Variants in MDGA2 observed in about 807,000 individuals in gnomAD.
MDGA2 encodes MAM domain-containing glycosylphosphatidylinositol anchor protein 2.
A neutral mutation model predicts 117.8 loss-of-function variants in MDGA2; 40 were observed. The observed-to-expected ratio is 0.34, with a 90% confidence interval of 0.26 to 0.44. The LOEUF is 0.44. MDGA2 is among the 20% of genes least tolerant of loss of function. The probability of loss-of-function intolerance (pLI) is 1.00; values close to 1 mark genes in which losing one functional copy is unlikely to be tolerated. For synonymous variants in MDGA2, 452 were observed against 439.0 expected, an observed-to-expected ratio of 1.03 and a Z score of -0.37; for missense variants, 1,123 against 1,250.6, an observed-to-expected ratio of 0.90 and a Z score of 1.54.
chr14:47,133,117 A>C (rs1269360472), intron 4 of MDGA2, among the ~76,000 whole-genome samples: 2 of 150,476 alleles, frequency 1.3e-5, no homozygotes, highest in East Asian at 1.9e-4. Context: ...TAAAAAAAAA[A>C]AAAACAAACA....
chr14:47,592,444 C>G (rs552814454), intron 1 of MDGA2, among the ~76,000 whole-genome samples: 4 of 152,062 alleles, frequency 2.6e-5, no homozygotes, highest in African/African-American at 9.6e-5. Context: ...CAATCCTAAG[C>G]AAAAAGAACA....
At chr14:47,397,984 A>G (rs898289191) in intron 1 of MDGA2, among the ~76,000 whole-genome samples, 1 of 152,200 alleles carries the variant, frequency 6.6e-6, no homozygotes, top group African/African-American at 2.4e-5. Flanking sequence ...AAGAACTTTC[A>G]TATATTTTCA....
At chr14:47,003,746 T>G (rs145649447) in intron 8 of MDGA2, among the ~76,000 whole-genome samples, 153 of 152,198 alleles carry the variant, frequency 1.0e-3, no homozygotes, top group Non-Finnish European at 1.7e-3. Flanking sequence ...TTTATCAGTA[T>G]CTTTCAAACA....
intron 7 of MDGA2, among the ~76,000 whole-genome samples, chr14:47,036,113 C>CA (rs1888838911): frequency 6.6e-6 from 1 of 151,162 alleles, no homozygotes; most frequent in African/African-American, 2.4e-5. Context: ...ACTAAAAATA[C>CA]AAAAAAATTA....
chr14:47,365,919 C>T (rs1891221809), intron 1 of MDGA2, among the ~76,000 whole-genome samples: 1 of 152,142 alleles, frequency 6.6e-6, no homozygotes, highest in Non-Finnish European at 1.5e-5. Context: ...ACTTCTAACT[C>T]TTTCGTCATT....
intron 3 of MDGA2, among the ~76,000 whole-genome samples, chr14:47,151,949 G>A (rs956296): frequency 6.6e-6 from 1 of 152,102 alleles, no homozygotes; most frequent in Non-Finnish European, 1.5e-5. Context: ...TCAGTTTTCA[G>A]CAAGGAAATT....
chr14:47,208,530 CT>C (rs35699705), intron 3 of MDGA2, among the ~76,000 whole-genome samples: 59,965 of 142,140 alleles, frequency 0.42, 12,793 homozygotes, highest in African/African-American at 0.55. Flanking sequence ...TCTCTAAACT[CT>C]TTTTTTTTTT....
In MDGA2 at chr14:47,507,451, C is replaced by T. The variant is rs1212326579; in HGVS notation, c.280+167066G>A. Among the ~76,000 whole-genome samples, 30 of 152,114 alleles carry T rather than the reference C, an allele frequency of 2.0e-4. 1 individual carries two copies. Among genetic ancestry groups the T allele is most frequent in the Admixed American group, 2.0e-3 (30 of 15,274 alleles). On this transcript the variant is annotated intron_variant, in intron 1 of 16. Coordinates refer to ENST00000399232, the MANE Select transcript of MDGA2 (RefSeq NM_001113498.3). ...TGGGAAAATAAGCTCAATGTAATAT[C>T]AATTGTAAAGAGTGTACAAAACAGA... is the stretch of plus-strand genomic sequence containing the variant.
intron 8 of MDGA2, among the ~76,000 whole-genome samples, chr14:46,962,046 TCTATG>T (rs1482462979): frequency 6.6e-6 from 1 of 152,200 alleles, no homozygotes; most frequent in Non-Finnish European, 1.5e-5. Context: ...TCAATTTGAT[TCTATG>T]CTATTTGTTG....
intron 1 of MDGA2, among the ~76,000 whole-genome samples, chr14:47,525,172 CT>C (rs1894945739): frequency 6.6e-6 from 1 of 152,180 alleles, no homozygotes; most frequent in South Asian, 2.1e-4. Flanking sequence ...AGAAAATTGC[CT>C]TTTCATCCTG....
intron 1 of MDGA2, among the ~76,000 whole-genome samples, chr14:47,370,881 T>C (rs536311154): frequency 3.3e-5 from 5 of 151,962 alleles, no homozygotes; most frequent in Non-Finnish European, 7.4e-5. Context: ...AAATTTTGTC[T>C]TATATTTTTC....
At chr14:47,627,103 T>G (rs1295356088) in intron 1 of MDGA2, among the ~76,000 whole-genome samples, 2 of 151,842 alleles carry the variant, frequency 1.3e-5, no homozygotes, top group Non-Finnish European at 2.9e-5. Context: ...TGGTGGGGAC[T>G]TGGAGAACCT....
At chr14:47,622,380 A>G (rs965389519) in intron 1 of MDGA2, among the ~76,000 whole-genome samples, 28 of 152,346 alleles carry the variant, frequency 1.8e-4, no homozygotes, top group African/African-American at 6.5e-4. Flanking sequence ...TGAGTTAGAG[A>G]AATCATGAAA....
intron 3 of MDGA2, among the ~76,000 whole-genome samples, chr14:47,199,998 CAATG>C (rs10572838): frequency 0.19 from 28,430 of 151,234 alleles, 2,814 homozygotes; most frequent in East Asian, 0.33. Context: ...AAACCAAATG[CAATG>C]AATAAGGGTA....
chr14:47,482,654 T>C (rs1452048418), intron 1 of MDGA2, among the ~76,000 whole-genome samples: 1 of 152,086 alleles, frequency 6.6e-6, no homozygotes, highest in East Asian at 1.9e-4. Flanking sequence ...ACCTCTCTCT[T>C]CCTTCTTCAT....
chr14:47,188,283 G>A (rs1423901089), intron 3 of MDGA2, among the ~76,000 whole-genome samples: 4 of 152,100 alleles, frequency 2.6e-5, no homozygotes, highest in Admixed American at 6.6e-5. Flanking sequence ...ACCTCAAAAC[G>A]TATGTTACAA....
intron 2 of MDGA2, among the ~76,000 whole-genome samples, chr14:47,298,211 CCAGA>C (rs948108288): frequency 3.9e-5 from 6 of 152,134 alleles, no homozygotes; most frequent in Admixed American, 2.0e-4. Context: ...AGGGTTACAT[CCAGA>C]CAATCTGATT....
At chr14:46,919,149 T>C (rs546501811) in intron 10 of MDGA2, among the ~76,000 whole-genome samples, 53 of 152,268 alleles carry the variant, frequency 3.5e-4, no homozygotes, top group African/African-American at 1.2e-3. Flanking sequence ...GAATGAATCG[T>C]TGGAGGTTGA....
intron 1 of MDGA2, among the ~76,000 whole-genome samples, chr14:47,465,305 T>C (rs1893578337): frequency 6.6e-6 from 1 of 151,998 alleles, no homozygotes. Flanking sequence ...CCAAAAGCAA[T>C]TGCAACAAAA....
Sources: allele counts gnomAD v4.1 joint callset (sites outside exome capture counted in the v4.1 genomes callset), GRCh38; gene constraint gnomAD v4.1.1; transcripts MANE v1.5; gene names NCBI Gene and HGNC (gene_info 2026-07-23, HGNC 2026-07-21).